The following DMXL2 variants were observed in gnomAD, a reference collection of about 807,000 sequenced individuals.
DMXL2 encodes the protein dmX-like protein 2.
DMXL2 carries 103 observed loss-of-function variants against 331.1 expected under a neutral mutation model. The ratio of observed to expected loss-of-function variants is 0.31; its 90% CI spans 0.27 to 0.37. The LOEUF (loss-of-function observed/expected upper bound fraction) is 0.37, where lower values mean the gene tolerates loss of function less well. Ranked by LOEUF, DMXL2 falls within the 10% of genes least tolerant of loss-of-function variation. DMXL2 has a pLI of 1.00. For missense variants in DMXL2, 3,171 were observed against 3,642.9 expected, an observed-to-expected ratio of 0.87 and a Z score of 3.33; for synonymous variants, 1,281 against 1,252.1, an observed-to-expected ratio of 1.02 and a Z score of -0.49.
intron 13 of DMXL2, among the ~76,000 whole-genome samples, chr15:51,532,924 C>A (rs918722701): frequency 5.9e-5 from 9 of 152,080 alleles, no homozygotes; most frequent in African/African-American, 2.2e-4. Context: ...AAGAAATCTA[C>A]CAAAAACACT....
In DMXL2 at chr15:51,536,783, G is replaced by C; in HGVS notation, c.1697C>G (p.Ala566Gly). ...AGAATCTTTTGTCGCATTTATACAG[G>C]CATACATCATGATATTTTTACTAAG... Reference protein sequence around the residue: ...SSLSKNIMMYACINATKDSHH... With the variant: ...SSLSKNIMMYGCINATKDSHH... The change falls in exon 12 of 44, where the codon GCC (alanine) becomes GGC (glycine). Residue 566 changes from alanine to glycine, a missense_variant. Ala to Gly is a moderately conservative substitution (Grantham distance 60, BLOSUM62 0). Coordinates refer to ENST00000560891, the MANE Select transcript of DMXL2 (RefSeq NM_001378457.1). 1 of 1,613,886 alleles carries C rather than the reference G, an allele frequency of 6.2e-7. No individual in the cohort carries two copies. Among genetic ancestry groups the C allele is most frequent in the South Asian group, 1.1e-5 (1 of 91,068 alleles).
rs1047601762 is a variant in DMXL2, at chr15:51,489,500, T to C, written c.4954-855A>G. ...GGTGAAACCCCGTCTCTACTAATAC[T>C]ACAAAAATTAGCCAGGCATGGTGGC... On this transcript the variant is annotated intron_variant, in intron 20 of 43. Coordinates refer to ENST00000560891, the MANE Select transcript of DMXL2 (RefSeq NM_001378457.1). 2.0e-5 allele frequency among the ~76,000 whole-genome samples: 3 copies of C among 151,924 alleles called. 1 individual carries two copies.
In DMXL2 at chr15:51,542,467, C is replaced by T; in HGVS notation, c.971G>A (p.Arg324Lys). ...HLKNLRKGQR[R>K]SSVLVTHAEL... ...AGCATGAGTTACAAGAACAGATGAC[C>T]TCCTCTGTCCTTTCCTTAAATTTTT... is the stretch of plus-strand genomic sequence containing the variant. Residue 324 changes from arginine to lysine, a missense_variant, in exon 9 of 44, where the codon AGG (arginine) becomes AAG (lysine). Arg to Lys is a conservative substitution (Grantham distance 26). This residue lies in a region of DMXL2 where 1,674 missense variants were observed against 1,780.2 expected (regional missense o/e 0.94). Coordinates refer to ENST00000560891, the MANE Select transcript of DMXL2 (RefSeq NM_001378457.1). 6.2e-7 allele frequency: 1 copy of T among 1,613,534 alleles called. No individual in the cohort carries two copies. Among genetic ancestry groups the T allele is most frequent in the Non-Finnish European group, 8.5e-7 (1 of 1,179,646 alleles).
chr15:51,613,362 C>T (rs1024460931), intron 1 of DMXL2, among the ~76,000 whole-genome samples: 1 of 152,170 alleles, frequency 6.6e-6, no homozygotes, highest in African/African-American at 2.4e-5. Flanking sequence ...AATAAATGTC[C>T]ATGAAATCTT....
chr15:51,543,474 T>C (rs2048718187), intron 8 of DMXL2, among the ~76,000 whole-genome samples: 1 of 152,326 alleles, frequency 6.6e-6, no homozygotes, highest in Non-Finnish European at 1.5e-5. Context: ...ATTGCTTTGA[T>C]AATAGGGTTA....
At chr15:51,487,081 G>A (rs540494386) in intron 22 of DMXL2, among the ~76,000 whole-genome samples, 3 of 152,172 alleles carry the variant, frequency 2.0e-5, no homozygotes, top group African/African-American at 7.2e-5. Context: ...TATTGTTCAT[G>A]ATAGTAATCT....
intron 2 of DMXL2, among the ~76,000 whole-genome samples, chr15:51,573,833 A>G (rs2050835111): frequency 6.6e-6 from 1 of 152,186 alleles, no homozygotes; most frequent in African/African-American, 2.4e-5. Context: ...CCCAGAACTT[A>G]AAGTATAATA....
Position 51,514,515 on chromosome 15 carries a change from G to A in DMXL2, c.2571C>T (p.Phe857=). Residue 857 remains phenylalanine, a synonymous_variant, in exon 15 of 44, where the codon TTC becomes TTT. Coordinates refer to ENST00000560891, the MANE Select transcript of DMXL2 (RefSeq NM_001378457.1). ...CCTTATGTGGTTTATATCCTATAAT[G>A]AAGTCTTCTTGAAACACATGAAGCA... is the stretch of plus-strand genomic sequence containing the variant. ...TQLLHVFQED[F]IIGYKPHKED... is the part of the protein sequence containing the mutation. 6.3e-7 allele frequency: 1 copy of A among 1,595,388 alleles called. No homozygotes were observed. The highest frequency in any genetic ancestry group is 8.5e-7 in the Non-Finnish European group (1 of 1,171,842).
chr15:51,491,422 CAA>C (rs1464393750), intron 20 of DMXL2, among the ~76,000 whole-genome samples, 154 bp downstream of exon 20: 2 of 151,020 alleles, frequency 1.3e-5, no homozygotes, highest in Non-Finnish European at 2.9e-5. Context: ...GCCTAGGCGA[CAA>C]GAGCGAAATT....
Position 51,563,367 on chromosome 15 carries a change from GTT to G in DMXL2, c.567+12_567+13del. The G allele has an allele frequency of 6.4e-7, 1 of 1,573,506 alleles. No homozygotes were observed. The highest frequency in any genetic ancestry group is 1.4e-5 in the African/African-American group (1 of 73,266). On this transcript the variant is annotated intron_variant, in intron 6 of 43. Coordinates refer to ENST00000560891, the MANE Select transcript of DMXL2 (RefSeq NM_001378457.1). The stretch of plus-strand genomic sequence containing the variant: ...TTATTTGTTTATTTCGTATGTTTTT[GTT>G]TGATCCTTTACCTTTCCAGCAGTAG...
At chr15:51,526,837 A>G (rs552152953) in intron 13 of DMXL2, among the ~76,000 whole-genome samples, 1 of 152,322 alleles carries the variant, frequency 6.6e-6, no homozygotes, top group South Asian at 2.1e-4. Context: ...GAAAACACAC[A>G]GAGGAGACAA....
At chr15:51,535,870 T>G in intron 12 of DMXL2, 86 bp from the exon 13 acceptor site, 1 of 1,360,484 alleles carries the variant, frequency 7.4e-7, no homozygotes, top group Non-Finnish European at 9.8e-7. Flanking sequence ...AGTATTCACA[T>G]TTTTTTTAGG....
chr15:51,539,636 C>G (rs2048479554), intron 9 of DMXL2, among the ~76,000 whole-genome samples: 1 of 152,062 alleles, frequency 6.6e-6, no homozygotes, highest in Non-Finnish European at 1.5e-5. Context: ...CAGCGAGACA[C>G]TGACTCTACA....
intron 29 of DMXL2, among the ~76,000 whole-genome samples, chr15:51,467,532 T>C (rs1393880524): frequency 6.6e-6 from 1 of 152,064 alleles, no homozygotes; most frequent in Non-Finnish European, 1.5e-5. Context: ...AATTTTAATG[T>C]CACTAACAGA....
chr15:51,609,542 G>A (rs1248510604), intron 1 of DMXL2, among the ~76,000 whole-genome samples: 2 of 152,162 alleles, frequency 1.3e-5, no homozygotes, highest in Non-Finnish European at 2.9e-5. Flanking sequence ...GTACAACTGG[G>A]TACATTATTC....
intron 6 of DMXL2, among the ~76,000 whole-genome samples, chr15:51,559,684 T>C (rs2049829714): frequency 6.6e-6 from 1 of 152,228 alleles, no homozygotes; most frequent in South Asian, 2.1e-4. Flanking sequence ...TCGGCCGATG[T>C]ACTCCAGCCT....
intron 13 of DMXL2, among the ~76,000 whole-genome samples, chr15:51,521,049 G>A (rs1041894383): frequency 2.6e-5 from 4 of 151,916 alleles, no homozygotes; most frequent in South Asian, 2.1e-4. Context: ...AAACATTCAC[G>A]TTTTTTATAC....
At chr15:51,487,606 T>A (rs944048952) in intron 22 of DMXL2, among the ~76,000 whole-genome samples, 1 of 152,092 alleles carries the variant, frequency 6.6e-6, no homozygotes, top group Non-Finnish European at 1.5e-5. Context: ...TATAGGTATG[T>A]GCCACCACAC....
chr15:51,521,414 C>CTAGTAGTAGTAGTAGTAG (rs10667947), intron 13 of DMXL2, among the ~76,000 whole-genome samples: 10 of 142,002 alleles, frequency 7.0e-5, no homozygotes, highest in South Asian at 2.3e-4. Context: ...TAAAAGTTTG[C>CTAGTAGTAGTAGTAGTAG]TAGTAGTAGT....
Sources: allele counts gnomAD v4.1 joint callset (sites outside exome capture counted in the v4.1 genomes callset), GRCh38; gene constraint gnomAD v4.1.1; regional missense constraint gnomAD v4.1.1; transcripts MANE v1.5; gene names NCBI Gene and HGNC (gene_info 2026-07-23, HGNC 2026-07-21).